Variants in FXN observed in about 807,000 individuals in gnomAD.
FXN encodes frataxin, also known as frataxin, mitochondrial.
Under a neutral mutation model 22.4 loss-of-function variants are expected in FXN, and 14 were observed. The ratio of observed to expected loss-of-function variants is 0.62; its 90% CI spans 0.41 to 0.98. FXN has a LOEUF of 0.98. FXN is among the 50% of genes least tolerant of loss of function. FXN has a pLI of 0.00. For missense variants in FXN, 267 were observed against 268.4 expected, an observed-to-expected ratio of 0.99 and a Z score of 0.04; for synonymous variants, 120 against 114.1, an observed-to-expected ratio of 1.05 and a Z score of -0.33.
intron 1 of FXN, 123 bp downstream of exon 1, chr9:69,036,070 C>T: frequency 2.3e-6 from 2 of 872,800 alleles, no homozygotes; most frequent in South Asian, 5.4e-5. Context: ...CTAGCTCACC[C>T]CGCTCCTTCT....
At position 69,077,790 on chromosome 9, in the gene FXN, C is replaced by T. The variant is rs1260305134; in HGVS notation, c.*5028C>T. 28 of 570,784 alleles carry T rather than the reference C, an allele frequency of 4.9e-5. No individual in the cohort carries two copies. Among genetic ancestry groups the T allele is most frequent in the Admixed American group, 3.8e-4 (6 of 15,636 alleles). The allele number at this position is 570,784 out of a possible 1,614,324, so 35.4% of individuals were successfully genotyped here. On this transcript the variant is annotated 3_prime_UTR_variant, in exon 5 of 5. Transcript: ENST00000484259. Reference sequence around the variant, plus strand: ...ACTAAAAATACAAAAATTAGCTGGCCGTAGTGGCGCACGCCTGTTATCCCA... The same window carrying T: ...ACTAAAAATACAAAAATTAGCTGGCTGTAGTGGCGCACGCCTGTTATCCCA...
intron 1 of FXN, among the ~76,000 whole-genome samples, chr9:69,045,101 C>T (rs2133100509): frequency 6.6e-6 from 1 of 152,242 alleles, no homozygotes; most frequent in Middle Eastern, 3.4e-3. Flanking sequence ...GCACCACTAG[C>T]CACATGTGGC....
intron 3 of FXN, among the ~76,000 whole-genome samples, chr9:69,055,493 C>CT (rs1239037117): frequency 6.7e-6 from 1 of 149,320 alleles, no homozygotes; most frequent in Non-Finnish European, 1.5e-5. Flanking sequence ...ACTTCTTCTT[C>CT]TTCTTTTTTT....
chr9:69,035,951 A>AGTATCC lies in FXN; in HGVS notation c.165+6_165+11dup. Reference sequence around the variant, plus strand: ...GACCTGCACGCCCCGCCGCGCAGTAAGTATCCGCGCCGGGAACAGCCGCGG... The same window carrying AGTATCC: ...GACCTGCACGCCCCGCCGCGCAGTAAGTATCCGTATCCGCGCCGGGAACAGCCGCGG... On this transcript the variant is annotated splice_donor_region_variant and intron_variant, in intron 1 of 4. Transcript: ENST00000484259. The AGTATCC allele has an allele frequency of 6.8e-7, 1 of 1,462,152 alleles. No homozygotes were observed. The allele number at this position is 1,462,152 out of a possible 1,614,324, so 90.6% of individuals were successfully genotyped here.
chr9:69,053,946 G>A (rs1831908406), intron 3 of FXN, among the ~76,000 whole-genome samples: 1 of 152,144 alleles, frequency 6.6e-6, no homozygotes, highest in Non-Finnish European at 1.5e-5. Flanking sequence ...GGTGTGGCAT[G>A]ACCTGGGCAG....
Position 69,077,233 on chromosome 9 carries a change from G to T in FXN, c.*4471G>T. 1 of 985,362 alleles carries T rather than the reference G, an allele frequency of 1.0e-6. No individual in the cohort carries two copies. Among genetic ancestry groups the T allele is most frequent in the Non-Finnish European group, 1.2e-6 (1 of 829,920 alleles). 61.0% of individuals were successfully genotyped at this position (985,362 alleles called of 1,614,324 possible). A position where few individuals can be genotyped will look rare whatever the true frequency, so the allele number is the denominator to read the frequency against. On this transcript the variant is annotated 3_prime_UTR_variant, in exon 5 of 5. Coordinates refer to ENST00000484259, the MANE Select transcript of FXN (RefSeq NM_000144.5). Reference sequence around the variant, plus strand: ...AGCCAGAAATGCCTTCTAATCTTTGGTTTATCTTAATTAGCCAGGACACTT... The same window carrying T: ...AGCCAGAAATGCCTTCTAATCTTTGTTTTATCTTAATTAGCCAGGACACTT...
At chr9:69,057,632 T>C (rs1831983955) in intron 3 of FXN, among the ~76,000 whole-genome samples, 1 of 152,220 alleles carries the variant, frequency 6.6e-6, no homozygotes, top group East Asian at 1.9e-4. Flanking sequence ...CCCTAGAGTA[T>C]GAATTCCTGA....
intron 4 of FXN, among the ~76,000 whole-genome samples, chr9:69,066,869 A>ATAC (rs71354305): frequency 3.5e-5 from 5 of 144,838 alleles, no homozygotes. Flanking sequence ...AAAAAAAAAA[A>ATAC]ATATATATAT....
chr9:69,047,726 T>C (rs573959518), intron 2 of FXN, among the ~76,000 whole-genome samples: 10 of 147,910 alleles, frequency 6.8e-5, no homozygotes, highest in East Asian at 3.9e-4. Flanking sequence ...CTCTCTCTCT[T>C]TTTTTTTCTT....
intron 4 of FXN, among the ~76,000 whole-genome samples, chr9:69,070,366 C>T (rs1240565205): frequency 1.3e-5 from 2 of 152,236 alleles, no homozygotes; most frequent in East Asian, 1.9e-4. Flanking sequence ...AAGTTCCAAC[C>T]TTTTACAAGT....
Position 69,078,583 on chromosome 9 carries a change from T to A in FXN, c.*5821T>A. 2.0e-6 allele frequency: 2 copies of A among 985,726 alleles called. No individual in the cohort carries two copies. The highest frequency in any genetic ancestry group is 2.4e-6 in the Non-Finnish European group (2 of 829,968). The allele number at this position is 985,726 out of a possible 1,614,324, so 61.1% of individuals were successfully genotyped here. A position where few individuals can be genotyped will look rare whatever the true frequency, so the allele number is the denominator to read the frequency against. ...AAATGTGCTTTTCTGACTGAACTGTTCAGGCACTGACTCTACATATAATTA... is the reference window on the plus strand; with the variant it reads ...AAATGTGCTTTTCTGACTGAACTGTACAGGCACTGACTCTACATATAATTA... On this transcript the variant is annotated 3_prime_UTR_variant, in exon 5 of 5. Coordinates refer to ENST00000484259, the MANE Select transcript of FXN (RefSeq NM_000144.5).
chr9:69,062,448 A>T (rs1832091785), intron 3 of FXN, among the ~76,000 whole-genome samples: 1 of 152,232 alleles, frequency 6.6e-6, no homozygotes. Context: ...AAATATAGTC[A>T]TACCAAAACA....
chr9:69,039,116 G>A (rs1382010193), intron 1 of FXN, among the ~76,000 whole-genome samples: 4 of 152,026 alleles, frequency 2.6e-5, no homozygotes, highest in Admixed American at 6.6e-5. Context: ...AGCTGGATGT[G>A]GTGGCACTCA....
At position 69,078,101 on chromosome 9, in the gene FXN, A is replaced by T. The variant is rs1832403746; in HGVS notation, c.*5339A>T. The T allele has an allele frequency of 1.0e-6, 1 of 985,284 alleles. No individual in the cohort carries two copies. Among genetic ancestry groups the T allele is most frequent in the African/African-American group, 1.7e-5 (1 of 57,222 alleles). 61.0% of individuals were successfully genotyped at this position (985,284 alleles called of 1,614,324 possible). A position where few individuals can be genotyped will look rare whatever the true frequency, so the allele number is the denominator to read the frequency against. On this transcript the variant is annotated 3_prime_UTR_variant, in exon 5 of 5. Transcript: ENST00000484259. Reference sequence around the variant, plus strand: ...AAATAAAACCCTAAGAGAAAGAAAAACTTTAAATCCCTCCAAAGCTCAAAA... The same window carrying T: ...AAATAAAACCCTAAGAGAAAGAAAATCTTTAAATCCCTCCAAAGCTCAAAA...
chr9:69,064,608 C>A (rs1007980279), intron 3 of FXN, among the ~76,000 whole-genome samples: 1 of 152,122 alleles, frequency 6.6e-6, no homozygotes, highest in African/African-American at 2.4e-5. Flanking sequence ...GGGCAACAAA[C>A]CAGCAGTCCC....
At chr9:69,036,110 A>C (rs570521734) in intron 1 of FXN, 163 bp downstream of exon 1, 3 of 460,146 alleles carry the variant, frequency 6.5e-6, no homozygotes, top group African/African-American at 2.1e-5. Flanking sequence ...CGGCCTTGCA[A>C]CTCCCTTCTC....
rs561683226 is a variant in FXN, at chr9:69,066,018, A to T, written c.482+983A>T. Among the ~76,000 whole-genome samples the T allele has an allele frequency of 2.0e-5, 3 of 152,300 alleles. No individual in the cohort carries two copies. In the South Asian group the frequency reaches 6.2e-4, roughly 32 times the overall value. On this transcript the variant is annotated intron_variant, in intron 4 of 4. Transcript: ENST00000484259. ...TGCTTTCAATCTAGAGGAATAAAAG[A>T]TTGTGTTGGAGACACAATGTGGCCT...
chr9:69,068,251 G>A (rs1350138983), intron 4 of FXN, among the ~76,000 whole-genome samples: 2 of 152,196 alleles, frequency 1.3e-5, no homozygotes, highest in Non-Finnish European at 2.9e-5. Context: ...AGTGGCCTGT[G>A]CTAAGGGGCT....
At chr9:69,061,556 A>G (rs916677614) in intron 3 of FXN, among the ~76,000 whole-genome samples, 9 of 152,004 alleles carry the variant, frequency 5.9e-5, no homozygotes, top group African/African-American at 1.5e-4. Flanking sequence ...GTTAGGGTAC[A>G]TGTGCACAAT....
Sources: allele counts gnomAD v4.1 joint callset (sites outside exome capture counted in the v4.1 genomes callset), GRCh38; gene constraint gnomAD v4.1.1; transcripts MANE v1.5; gene names NCBI Gene and HGNC (gene_info 2026-07-23, HGNC 2026-07-21).